GABRD: variants seen among roughly 807,000 people sequenced by gnomAD.
GABRD encodes the protein gamma-aminobutyric acid receptor subunit delta.
A neutral mutation model predicts 47.3 loss-of-function variants in GABRD; 25 were observed. The ratio of observed to expected loss-of-function variants is 0.53; its 90% confidence interval spans 0.39 to 0.74. The LOEUF (loss-of-function observed/expected upper bound fraction) is 0.74, where lower values mean the gene tolerates loss of function less well. GABRD is among the 30% of genes least tolerant of loss of function. GABRD has a pLI of 0.00. For synonymous variants in GABRD, 314 were observed against 278.8 expected, an observed-to-expected ratio of 1.13 and a Z score of -1.26; for missense variants, 497 against 643.4, an observed-to-expected ratio of 0.77 and a Z score of 2.46.
rs2102151045 is a variant in GABRD, at chr1:2,028,244, A to G, written c.643A>G (p.Thr215Ala). ...GLDKLQLAQF[T>A]ITSYRFTTEL... ...GGACAAGCTGCAGCTGGCGCAGTTC[A>G]CCATCACCAGCTACCGCTTCACCAC... is the stretch of plus-strand genomic sequence containing the variant. Residue 215 changes from threonine to alanine, a missense_variant, in exon 6 of 9, where the codon ACC becomes GCC. By Grantham distance (58) the Thr-to-Ala change is moderately conservative. This residue lies in a region of GABRD where 285 missense variants were observed against 436.6 expected (regional missense o/e 0.65). Transcript: ENST00000378585. The surrounding 1 kb of genome is among the most constrained non-coding windows in gnomAD (Gnocchi z 6.4). 1 of 1,612,214 alleles carries G rather than the reference A, an allele frequency of 6.2e-7. No homozygotes were observed. Among genetic ancestry groups the G allele is most frequent in the African/African-American group, 1.3e-5 (1 of 74,942 alleles).
chr1:2,029,050 A>G, intron 6 of GABRD, 61 bp from the exon 7 acceptor site: 1 of 1,530,924 alleles, frequency 6.5e-7, no homozygotes, highest in Non-Finnish European at 8.7e-7. Flanking sequence ...GCAGCCCCTG[A>G]GTCCCATGGT....
chr1:2,019,363 C>G lies in GABRD; in HGVS notation c.-61C>G. On this transcript the variant is annotated 5_prime_UTR_variant, in exon 1 of 9. Coordinates refer to ENST00000378585, the MANE Select transcript of GABRD (RefSeq NM_000815.5). ...CTCGCTCAGCTCCCGCCCGCCTGTGCCGCCTGTGCGGCCGCCGGGAGCCAA... is the reference window on the plus strand; with the variant it reads ...CTCGCTCAGCTCCCGCCCGCCTGTGGCGCCTGTGCGGCCGCCGGGAGCCAA... 1.1e-6 allele frequency: 1 copy of G among 937,138 alleles called. No homozygotes were observed. The highest frequency in any genetic ancestry group is 1.3e-6 in the Non-Finnish European group (1 of 781,674). 58.1% of individuals were successfully genotyped at this position (937,138 alleles called of 1,614,324 possible).
rs545268470 is a variant in GABRD, at chr1:2,027,967, C to T, written c.554-188C>T. 28 of 645,818 alleles carry T rather than the reference C, an allele frequency of 4.3e-5. No homozygotes were observed. The African/African-American group carries it at 4.6e-4, about 11-fold the overall frequency. The allele number at this position is 645,818 out of a possible 1,614,324, so 40.0% of individuals were successfully genotyped here. On this transcript the variant is annotated intron_variant, in intron 5 of 8. Transcript: ENST00000378585. ...AACGGTGACCCCATCTGTGTCCCAT[C>T]CACCTGCCCGGAGGAGCCCGACGTG...
At chr1:2,023,182 C>T (rs1402443803) in intron 1 of GABRD, among the ~76,000 whole-genome samples, 6 of 152,140 alleles carry the variant, frequency 3.9e-5, no homozygotes, top group Admixed American at 3.9e-4. Context: ...ATGCAGCTCC[C>T]CGGCTGGACT....
rs1183611566 is a variant in GABRD at position 2,029,282 on chromosome 1, G to T, written c.847+16G>T. The T allele has an allele frequency of 1.9e-6, 3 of 1,547,022 alleles. No homozygotes were observed. The South Asian group carries it at 3.6e-5, about 18-fold the overall frequency. On this transcript the variant is annotated intron_variant, in intron 7 of 8. Coordinates refer to ENST00000378585, the MANE Select transcript of GABRD (RefSeq NM_000815.5). ...GTGTCTCTAGGTACGGGGCCTCGCC[G>T]CTGCTCCGAGGGAGCTGGAAGGGCG...
At position 2,025,368 on chromosome 1, in the gene GABRD, G is replaced by A. The variant is rs1448114868; in HGVS notation, c.216G>A (p.Val72=). 12 of 1,613,096 alleles carry A rather than the reference G, an allele frequency of 7.4e-6. No individual in the cohort carries two copies. The highest frequency in any genetic ancestry group is 2.7e-5 in the African/African-American group (2 of 75,066). ...TGAATGTGGCCCTTGCCCTGGAGGT[G>A]GCCAGCATCGACCACATCTCAGAGG... ...PPVNVALALE[V]ASIDHISEAN... The change falls in exon 3 of 9, where the codon GTG becomes GTA. Residue 72 remains valine, a synonymous_variant. Transcript: ENST00000378585.
intron 4 of GABRD, among the ~76,000 whole-genome samples, chr1:2,026,206 T>C (rs1024125211): frequency 1.3e-5 from 2 of 152,206 alleles, no homozygotes; most frequent in Admixed American, 1.3e-4. Flanking sequence ...TCTGTGGGTC[T>C]GCCCAGAGAC....
In GABRD at chr1:2,030,326, C is replaced by T. The variant is rs755609876; in HGVS notation, c.*44C>T. ...CCTCGCTTGTCCTGGCGCCCGGCGG[C>T]AGCTGCCCAGAAACTTCCTGGGAGA... On this transcript the variant is annotated 3_prime_UTR_variant, in exon 9 of 9. Coordinates refer to ENST00000378585, the MANE Select transcript of GABRD (RefSeq NM_000815.5). 6 of 1,462,760 alleles carry T rather than the reference C, an allele frequency of 4.1e-6. No individual in the cohort carries two copies. The highest frequency in any genetic ancestry group is 5.4e-6 in the Non-Finnish European group (6 of 1,103,508). The allele number at this position is 1,462,760 out of a possible 1,614,324, so 90.6% of individuals were successfully genotyped here. A position where few individuals can be genotyped will look rare whatever the true frequency, so the allele number is the denominator to read the frequency against.
chr1:2,028,124 T>C lies in GABRD; in HGVS notation c.554-31T>C. On this transcript the variant is annotated intron_variant, in intron 5 of 8. Transcript: ENST00000378585. This position sits in a 1 kb window ranked among gnomAD's most constrained non-coding sequence, Gnocchi z 6.4. The stretch of plus-strand genomic sequence containing the variant: ...CAGGGCTCCCGGGGCAGGGCCGGGC[T>C]CTGCCGCCCACCTGTGTGCTTTTCC... The C allele has an allele frequency of 6.3e-7, 1 of 1,595,324 alleles. No individual in the cohort carries two copies. The highest frequency in any genetic ancestry group is 8.6e-7 in the Non-Finnish European group (1 of 1,167,642).
Position 2,030,396 on chromosome 1 carries a change from A to T in GABRD, c.*114A>T. ...TCCCCTCTGCGTGTTTCGAAGTGGG[A>T]TGACAGTCGGCCACGGAAAACAAGA... On this transcript the variant is annotated 3_prime_UTR_variant, in exon 9 of 9. Transcript: ENST00000378585. 1.0e-6 allele frequency: 1 copy of T among 955,912 alleles called. No homozygotes were observed. The highest frequency in any genetic ancestry group is 1.5e-6 in the Non-Finnish European group (1 of 685,792). 59.2% of individuals were successfully genotyped at this position (955,912 alleles called of 1,614,324 possible). A position where few individuals can be genotyped will look rare whatever the true frequency, so the allele number is the denominator to read the frequency against.
chr1:2,023,615 G>C (rs901564351), intron 1 of GABRD: 3 of 152,232 alleles, frequency 2.0e-5, no homozygotes, highest in South Asian at 2.1e-4. Context: ...GGCTTGCTGT[G>C]GGGGAGGCCA....
chr1:2,029,991 G>A lies in GABRD; in HGVS notation c.1068G>A (p.Val356=), dbSNP rs772657677. 6.2e-7 allele frequency: 1 copy of A among 1,612,732 alleles called. No individual in the cohort carries two copies. Among genetic ancestry groups the A allele is most frequent in the South Asian group, 1.1e-5 (1 of 91,066 alleles). Reference sequence around the variant, plus strand: ...CACCGGCCTTCGTGCAGATGGACGTGAGGAACGCCATTGTCCTCTTCTCCC... The same window carrying A: ...CACCGGCCTTCGTGCAGATGGACGTAAGGAACGCCATTGTCCTCTTCTCCC... The part of the protein sequence containing the change: ...KVSRPRAEMD[V]RNAIVLFSLS... Residue 356 remains valine (V), a synonymous_variant, in exon 9 of 9, where the codon GTG becomes GTA. Transcript: ENST00000378585.
chr1:2,028,149 C>T lies in GABRD; in HGVS notation c.554-6C>T, dbSNP rs761346831. On this transcript the variant is annotated splice_polypyrimidine_tract_variant and splice_region_variant and intron_variant, in intron 5 of 8. Coordinates refer to ENST00000378585, the MANE Select transcript of GABRD (RefSeq NM_000815.5). This position sits in a 1 kb window ranked among gnomAD's most constrained non-coding sequence, Gnocchi z 6.4. ...TCTGCCGCCCACCTGTGTGCTTTTC[C>T]TCCAGACGGTTACTCATCGGAGGAC... 1.9e-6 allele frequency: 3 copies of T among 1,607,006 alleles called. No individual in the cohort carries two copies. The South Asian group carries it at 3.3e-5, about 18-fold the overall frequency.
Position 2,028,855 on chromosome 1 carries a change from T to C in GABRD, c.692-256T>C, listed in dbSNP as rs1213517682. On this transcript the variant is annotated intron_variant, in intron 6 of 8. Coordinates refer to ENST00000378585, the MANE Select transcript of GABRD (RefSeq NM_000815.5). The surrounding 1 kb of genome is among the most constrained non-coding windows in gnomAD (Gnocchi z 6.4). ...TCCCTCAGGGCCAGTCCAGCAAACA[T>C]GAGGCCAGCAGTAACCTCAGCCTCT... is the stretch of plus-strand genomic sequence containing the variant. 3 of 555,264 alleles carry C rather than the reference T, an allele frequency of 5.4e-6. No individual in the cohort carries two copies. The highest frequency in any genetic ancestry group is 9.5e-6 in the Non-Finnish European group (3 of 315,288). 34.4% of individuals were successfully genotyped at this position (555,264 alleles called of 1,614,324 possible).
chr1:2,025,448 C>G lies in GABRD; in HGVS notation c.249+47C>G, dbSNP rs114015660. Reference sequence around the variant, plus strand: ...CTCAGGCACGGTGGGTGCCCACAGCCTCTGCCCTGGGCTGCATGCCCCTGG... The same window carrying G: ...CTCAGGCACGGTGGGTGCCCACAGCGTCTGCCCTGGGCTGCATGCCCCTGG... On this transcript the variant is annotated intron_variant, in intron 3 of 8. Coordinates refer to ENST00000378585, the MANE Select transcript of GABRD (RefSeq NM_000815.5). 1.7e-3 allele frequency: 2,794 copies of G among 1,611,528 alleles called. 51 individuals are homozygous for G. In the African/African-American group the frequency reaches 0.032, roughly 18 times the overall value.
In GABRD at chr1:2,030,455, C is replaced by T; in HGVS notation, c.*173C>T. The stretch of plus-strand genomic sequence containing the variant: ...CGGCCTCCCTGAGCTCTGACCCCAG[C>T]CTCACCCGAAAGGCCAGCCTGGGGC... On this transcript the variant is annotated 3_prime_UTR_variant, in exon 9 of 9. Transcript: ENST00000378585. The T allele has an allele frequency of 1.8e-6, 1 of 545,984 alleles. No individual in the cohort carries two copies. The highest frequency in any genetic ancestry group is 3.0e-6 in the Non-Finnish European group (1 of 335,642). 33.8% of individuals were successfully genotyped at this position (545,984 alleles called of 1,614,324 possible). A position where few individuals can be genotyped will look rare whatever the true frequency, so the allele number is the denominator to read the frequency against.
At chr1:2,025,849 T>C (rs971778213) in intron 4 of GABRD, 111 bp downstream of exon 4, 1 of 940,112 alleles carries the variant, frequency 1.1e-6, no homozygotes, top group South Asian at 1.6e-5. Context: ...TGCCGGGAGC[T>C]GGCGGGCGGG....
At chr1:2,024,538 A>C in intron 1 of GABRD, 2 of 159,372 alleles carry the variant, frequency 1.3e-5, no homozygotes, top group Non-Finnish European at 2.7e-5. Context: ...AGAAGCCGAC[A>C]GGGAGACCTC....
intron 1 of GABRD, among the ~76,000 whole-genome samples, chr1:2,023,256 A>G (rs553527485): frequency 1.2e-4 from 18 of 152,002 alleles, no homozygotes; most frequent in African/African-American, 3.9e-4. Context: ...CCAAGGACTC[A>G]AGAGGGCTGG....
Sources: gnomAD v4.1 joint callset for allele counts (sites outside exome capture counted in the v4.1 genomes callset) on GRCh38, gnomAD v4.1.1 for gene constraint, gnomAD v4.1.1 regional missense constraint, Gnocchi (gnomAD v3.1) non-coding constraint, MANE v1.5 for transcripts, NCBI Gene and HGNC (gene_info 2026-07-23, HGNC 2026-07-21) for gene names.